MSRB3: variants seen among roughly 807,000 people sequenced by gnomAD.
MSRB3 encodes methionine-R-sulfoxide reductase B3.
In MSRB3, 13 loss-of-function variants were observed where a neutral mutation model predicts 21.0. The ratio of observed to expected loss-of-function variants is 0.62; its 90% CI spans 0.40 to 0.98. MSRB3 has a LOEUF of 0.98. MSRB3 is among the 50% of genes least tolerant of loss of function. The pLI, the probability that MSRB3 is intolerant of heterozygous loss-of-function variation, is 0.00. For synonymous variants in MSRB3, 87 were observed against 88.6 expected (o/e 0.98, Z 0.10); for missense variants, 199 against 230.3 (o/e 0.86, Z 0.88).
intron 4 of MSRB3, among the ~76,000 whole-genome samples, chr12:65,333,410 G>A (rs1413599839): frequency 2.6e-5 from 4 of 152,160 alleles, no homozygotes; most frequent in Admixed American, 1.3e-4. Flanking sequence ...CCAAGAGAGG[G>A]GTTCAGTTTT....
chr12:65,293,575 C>T (rs544756140), intron 1 of MSRB3, among the ~76,000 whole-genome samples: 7 of 152,172 alleles, frequency 4.6e-5, no homozygotes, highest in Non-Finnish European at 7.3e-5. Flanking sequence ...ACAGTCTTAG[C>T]CTTTATTCTT....
intron 4 of MSRB3, among the ~76,000 whole-genome samples, chr12:65,363,815 G>A (rs752085084): frequency 1.3e-5 from 2 of 151,932 alleles, no homozygotes; most frequent in Admixed American, 1.3e-4. Flanking sequence ...GTGAAACCCC[G>A]TCTCTACTAA....
intron 5 of MSRB3, among the ~76,000 whole-genome samples, chr12:65,409,118 A>T (rs994576177): frequency 1.4e-5 from 2 of 147,282 alleles, no homozygotes; most frequent in African/African-American, 2.4e-5. Flanking sequence ...GCAATATATT[A>T]TATATATATA....
chr12:65,350,582 A>G (rs913609802), intron 4 of MSRB3, among the ~76,000 whole-genome samples: 1 of 151,046 alleles, frequency 6.6e-6, no homozygotes, highest in African/African-American at 2.5e-5. Flanking sequence ...ACGTGCAGAG[A>G]CACACATAGG....
intron 4 of MSRB3, among the ~76,000 whole-genome samples, chr12:65,345,316 G>GA (rs1876415832): frequency 6.6e-6 from 1 of 151,864 alleles, no homozygotes; most frequent in Admixed American, 6.6e-5. Flanking sequence ...TGTGTTCTGT[G>GA]AAAAAAATGA....
intron 4 of MSRB3, among the ~76,000 whole-genome samples, chr12:65,358,650 C>A (rs1877528097): frequency 6.6e-6 from 1 of 151,856 alleles, no homozygotes; most frequent in Admixed American, 6.6e-5. Context: ...TCAGCCATTT[C>A]TTCAAGGAGT....
At chr12:65,426,428 C>T (rs1448669167) in intron 5 of MSRB3, among the ~76,000 whole-genome samples, 1 of 152,124 alleles carries the variant, frequency 6.6e-6, no homozygotes, top group African/African-American at 2.4e-5. Flanking sequence ...CTTATTTGAA[C>T]TCCCTTAAAT....
rs1414703233 is a variant in MSRB3 at position 65,463,876 on chromosome 12, C to A, written c.*554C>A. ...AAGGGTGTGAAGGTCTAAAGTCTTT[C>A]CTTATGTTAAATTGTTGCCAGATCC... On this transcript the variant is annotated 3_prime_UTR_variant, in exon 7 of 7. Transcript: ENST00000308259. 3.9e-5 allele frequency: 6 copies of A among 154,566 alleles called. No homozygotes were observed. The highest frequency in any genetic ancestry group is 1.9e-4 in the Admixed American group (3 of 15,810). 9.6% of individuals were successfully genotyped at this position (154,566 alleles called of 1,614,324 possible). A position where few individuals can be genotyped will look rare whatever the true frequency, so the allele number is the denominator to read the frequency against.
chr12:65,453,764 C>G lies in MSRB3; in HGVS notation c.329C>G (p.Ala110Gly), dbSNP rs762906000. Residue 110 changes from alanine to glycine, a missense_variant, in exon 6 of 7, where the codon GCA becomes GGA. By Grantham distance (60) the Ala-to-Gly change is moderately conservative (BLOSUM62 0). Coordinates refer to ENST00000308259, the MANE Select transcript of MSRB3 (RefSeq NM_001031679.3). The part of the protein sequence containing the change: ...PSFHDVINSE[A>G]ITFTDDFSYG... ...TTCCACGATGTGATCAATTCTGAGGCAATCACATTCACAGATGACTTTTCC... is the reference window on the plus strand; with the variant it reads ...TTCCACGATGTGATCAATTCTGAGGGAATCACATTCACAGATGACTTTTCC... 6.2e-7 allele frequency: 1 copy of G among 1,614,102 alleles called. No individual in the cohort carries two copies. The highest frequency in any genetic ancestry group is 1.1e-5 in the South Asian group (1 of 91,084).
At chr12:65,396,684 T>C (rs1458299989) in intron 5 of MSRB3, among the ~76,000 whole-genome samples, 1 of 68,336 alleles carries the variant, frequency 1.5e-5, no homozygotes, top group Non-Finnish European at 2.5e-5. Flanking sequence ...AGAGTGAAAC[T>C]CCATCTCAAA....
At chr12:65,339,665 A>G (rs1366054473) in intron 4 of MSRB3, among the ~76,000 whole-genome samples, 3 of 152,198 alleles carry the variant, frequency 2.0e-5, no homozygotes, top group African/African-American at 2.4e-5. Flanking sequence ...TGTTTTTAAT[A>G]TAATTCATTT....
chr12:65,294,144 T>C (rs1172223084), intron 1 of MSRB3, among the ~76,000 whole-genome samples: 1 of 152,214 alleles, frequency 6.6e-6, no homozygotes, highest in Non-Finnish European at 1.5e-5. Context: ...CCAAATCCTT[T>C]GAAATCTAGG....
intron 6 of MSRB3, 174 bp downstream of exon 6, chr12:65,453,999 T>A: frequency 1.4e-6 from 1 of 700,992 alleles, no homozygotes; most frequent in Non-Finnish European, 2.6e-6. Flanking sequence ...TAGTGGAATG[T>A]TAAGGTCGGC....
chr12:65,278,928 G>T (rs1290404017), intron 1 of MSRB3, 63 bp downstream of exon 1: 2 of 1,267,244 alleles, frequency 1.6e-6, no homozygotes, highest in South Asian at 1.3e-5. Flanking sequence ...ACCCTGCCAC[G>T]TTAGGGTGTG....
chr12:65,373,082 G>A (rs187537912), intron 5 of MSRB3, among the ~76,000 whole-genome samples: 6 of 152,322 alleles, frequency 3.9e-5, no homozygotes, highest in Non-Finnish European at 8.8e-5. Flanking sequence ...TAATGAGTAG[G>A]ATGGAAGAAA....
intron 6 of MSRB3, among the ~76,000 whole-genome samples, chr12:65,459,850 T>C (rs1351620614): frequency 6.6e-6 from 1 of 152,212 alleles, no homozygotes; most frequent in Non-Finnish European, 1.5e-5. Context: ...TTTAAGGAAT[T>C]ATGTTAAACT....
At chr12:65,324,591 TG>T (rs1874894936) in intron 2 of MSRB3, among the ~76,000 whole-genome samples, 1 of 152,228 alleles carries the variant, frequency 6.6e-6, no homozygotes, top group Non-Finnish European at 1.5e-5. Flanking sequence ...ATACTTGACA[TG>T]GTTCATCAAT....
chr12:65,384,374 A>T (rs1297066404), intron 5 of MSRB3, among the ~76,000 whole-genome samples: 1 of 152,192 alleles, frequency 6.6e-6, no homozygotes, highest in Non-Finnish European at 1.5e-5. Context: ...TTTATCTGTT[A>T]TCTACATTTG....
chr12:65,440,374 G>T (rs1179672484), intron 5 of MSRB3, among the ~76,000 whole-genome samples: 1 of 151,784 alleles, frequency 6.6e-6, no homozygotes, highest in Admixed American at 6.6e-5. Context: ...TAATTATAAT[G>T]CAGATGTTAG....
Sources: gnomAD v4.1 joint callset for allele counts (sites outside exome capture counted in the v4.1 genomes callset) on GRCh38, gnomAD v4.1.1 for gene constraint, MANE v1.5 for transcripts, NCBI Gene and HGNC (gene_info 2026-07-23, HGNC 2026-07-21) for gene names.